Variants in OLA1 observed in about 807,000 individuals in gnomAD.
OLA1 encodes the protein Obg like ATPase 1, also known as obg-like ATPase 1.
OLA1 carries 14 observed loss-of-function variants against 48.4 expected under a neutral mutation model. The observed-to-expected ratio is 0.29, with a 90% CI of 0.19 to 0.45. The LOEUF (loss-of-function observed/expected upper bound fraction) is 0.45, where lower values mean the gene tolerates loss of function less well. OLA1 is among the 20% of genes least tolerant of loss of function. The pLI, the probability that OLA1 is intolerant of heterozygous loss-of-function variation, is 1.00. For missense variants in OLA1, 325 were observed against 467.1 expected (o/e 0.70, Z 2.80); for synonymous variants, 127 against 150.4 (o/e 0.84, Z 1.14).
intron 4 of OLA1, among the ~76,000 whole-genome samples, chr2:174,163,173 T>C (rs899927874): frequency 6.6e-6 from 1 of 152,186 alleles, no homozygotes; most frequent in African/African-American, 2.4e-5. Flanking sequence ...GGGAGAAGCC[T>C]GAGATTCTGC....
At chr2:174,231,847 C>T (rs371180397) in intron 2 of OLA1, among the ~76,000 whole-genome samples, 4 of 152,256 alleles carry the variant, frequency 2.6e-5, no homozygotes, top group East Asian at 3.9e-4. Flanking sequence ...CAACTAAAGA[C>T]ATTTTGATCT....
intron 1 of OLA1, chr2:174,247,767 T>A: frequency 5.2e-6 from 8 of 1,550,676 alleles, no homozygotes; most frequent in Non-Finnish European, 7.0e-6. Flanking sequence ...TACATTATGG[T>A]TACTATTTCT....
chr2:174,235,799 G>A (rs1688834658), intron 2 of OLA1, among the ~76,000 whole-genome samples: 1 of 152,174 alleles, frequency 6.6e-6, no homozygotes, highest in African/African-American at 2.4e-5. Flanking sequence ...ATTTGCGCAT[G>A]AGTAAATTCA....
chr2:174,119,551 G>A (rs1685862409), intron 7 of OLA1, among the ~76,000 whole-genome samples: 3 of 152,168 alleles, frequency 2.0e-5, no homozygotes, highest in Non-Finnish European at 2.9e-5. Context: ...TATAGTAGCT[G>A]TAATTTTTAT....
At chr2:174,097,433 G>A (rs1475770915) in intron 7 of OLA1, among the ~76,000 whole-genome samples, 1 of 152,156 alleles carries the variant, frequency 6.6e-6, no homozygotes, top group Non-Finnish European at 1.5e-5. Context: ...GTTAAATTCA[G>A]TTAGAACAAG....
chr2:174,176,211 C>T (rs966840650), intron 4 of OLA1, among the ~76,000 whole-genome samples: 2 of 151,980 alleles, frequency 1.3e-5, no homozygotes, highest in African/African-American at 4.8e-5. Flanking sequence ...GGAGAAGACA[C>T]CATACAGACA....
chr2:174,094,726 C>T (rs1574477637), intron 7 of OLA1, among the ~76,000 whole-genome samples: 2 of 152,176 alleles, frequency 1.3e-5, no homozygotes, highest in South Asian at 4.1e-4. Context: ...TTCAACAGTG[C>T]TAACTCTATT....
chr2:174,159,510 A>G (rs913537000), intron 4 of OLA1, among the ~76,000 whole-genome samples: 1 of 152,194 alleles, frequency 6.6e-6, no homozygotes, highest in African/African-American at 2.4e-5. Flanking sequence ...CATGTGTACA[A>G]AAAAACCCAC....
intron 5 of OLA1, among the ~76,000 whole-genome samples, chr2:174,127,275 T>G (rs1686066052): frequency 6.6e-6 from 1 of 152,182 alleles, no homozygotes; most frequent in African/African-American, 2.4e-5. Flanking sequence ...ATATTTGTCT[T>G]CCTTACTGCT....
chr2:174,124,988 T>C (rs902965079), intron 5 of OLA1, among the ~76,000 whole-genome samples: 2 of 152,192 alleles, frequency 1.3e-5, no homozygotes, highest in Non-Finnish European at 2.9e-5. Flanking sequence ...CATGTTCGGC[T>C]TAAGAATAAT....
intron 4 of OLA1, among the ~76,000 whole-genome samples, chr2:174,160,173 A>G (rs1686977939): frequency 6.6e-6 from 1 of 152,156 alleles, no homozygotes; most frequent in Admixed American, 6.5e-5. Flanking sequence ...GATTAAAACA[A>G]TTTCTGAATT....
chr2:174,109,395 T>A (rs907885981), intron 7 of OLA1, among the ~76,000 whole-genome samples: 18 of 152,084 alleles, frequency 1.2e-4, no homozygotes, highest in Middle Eastern at 3.4e-3. Context: ...TAATAGATTT[T>A]AAAAAAATAA....
intron 4 of OLA1, chr2:174,171,887 A>C (rs1687310728): frequency 6.6e-6 from 1 of 152,470 alleles, no homozygotes; most frequent in African/African-American, 2.4e-5. Context: ...GACCCAGCAG[A>C]CGCCGCGCCC....
rs1323852415 is a variant in OLA1, at chr2:174,174,828, T to C, written c.374-32828A>G. 2.0e-5 allele frequency among the ~76,000 whole-genome samples: 3 copies of C among 150,860 alleles called. No individual in the cohort carries two copies. In the South Asian group the frequency reaches 6.3e-4, roughly 31 times the overall value. Reference sequence around the variant, plus strand: ...GAAAAGCTAAAGCAATCTTAAAAAATAGGAAAAGGGTCAGAAGACCTACAC... The same window carrying C: ...GAAAAGCTAAAGCAATCTTAAAAAACAGGAAAAGGGTCAGAAGACCTACAC... On this transcript the variant is annotated intron_variant, in intron 4 of 10. Transcript: ENST00000284719.
chr2:174,174,053 CAAAAA>C, intron 4 of OLA1, among the ~76,000 whole-genome samples: 1 of 116,228 alleles, frequency 8.6e-6, no homozygotes, highest in South Asian at 2.9e-4. Flanking sequence ...AAAAAAAAAA[CAAAAA>C]AAAACTCCAC....
At chr2:174,180,606 T>A (rs1191788906) in intron 4 of OLA1, among the ~76,000 whole-genome samples, 1 of 152,250 alleles carries the variant, frequency 6.6e-6, no homozygotes, top group Non-Finnish European at 1.5e-5. Context: ...ACAGTCATGC[T>A]GCTTCAATGA....
At chr2:174,143,797 C>G (rs961292523) in intron 4 of OLA1, among the ~76,000 whole-genome samples, 6 of 152,124 alleles carry the variant, frequency 3.9e-5, no homozygotes, top group African/African-American at 1.4e-4. Context: ...ATGTGTCTAT[C>G]TTGCAACCTT....
At chr2:174,136,121 G>GCTGA (rs1686305191) in intron 5 of OLA1, among the ~76,000 whole-genome samples, 1 of 152,194 alleles carries the variant, frequency 6.6e-6, no homozygotes, top group African/African-American at 2.4e-5. Context: ...GTTGATGGCT[G>GCTGA]CTGACTAATC....
At chr2:174,161,486 T>C (rs1272332389) in intron 4 of OLA1, among the ~76,000 whole-genome samples, 2 of 152,050 alleles carry the variant, frequency 1.3e-5, no homozygotes, top group Non-Finnish European at 2.9e-5. Flanking sequence ...AAAACATATA[T>C]TGACCAGGAG....
Sources: gnomAD v4.1 joint callset for allele counts (sites outside exome capture counted in the v4.1 genomes callset) on GRCh38, gnomAD v4.1.1 for gene constraint, MANE v1.5 for transcripts, NCBI Gene and HGNC (gene_info 2026-07-23, HGNC 2026-07-21) for gene names.